The following GALNT14 variants were observed in gnomAD, a reference collection of about 807,000 sequenced individuals.
GALNT14 encodes polypeptide N-acetylgalactosaminyltransferase 14, also known as UDP-GalNAc:polypeptide N-acetylgalactosaminyltransferase 14.
GALNT14 carries 60 observed loss-of-function variants against 77.5 expected under a neutral mutation model. The observed-to-expected ratio is 0.77, with a 90% CI of 0.63 to 0.96. GALNT14 has a LOEUF of 0.96. Among genes scored for constraint, GALNT14 ranks in the 40% least tolerant of loss-of-function variants. The pLI is 0.00. For synonymous variants in GALNT14, 280 were observed against 281.7 expected, an observed-to-expected ratio of 0.99 and a Z score of 0.06; for missense variants, 710 against 731.0, an observed-to-expected ratio of 0.97 and a Z score of 0.33.
intron 1 of GALNT14, among the ~76,000 whole-genome samples, chr2:31,078,179 T>C (rs1005718268): frequency 6.6e-6 from 1 of 152,184 alleles, no homozygotes; most frequent in Admixed American, 6.5e-5. Context: ...GGACCAATTA[T>C]GTTCATTAGT....
chr2:31,074,171 CCAGGGAGACGGTGCCAAGCACA>C (rs1268472669), intron 1 of GALNT14, among the ~76,000 whole-genome samples: 1 of 152,068 alleles, frequency 6.6e-6, no homozygotes, highest in East Asian at 1.9e-4. Flanking sequence ...GGAGACGGTG[CCAGGGAGACGGTGCCAAGCACA>C]CAGCACCAAG....
chr2:31,133,144 G>T (rs919927810), intron 1 of GALNT14, among the ~76,000 whole-genome samples: 3 of 152,050 alleles, frequency 2.0e-5, no homozygotes, highest in East Asian at 1.9e-4. Flanking sequence ...AATTTTCGGG[G>T]AGACTGATTT....
At chr2:31,087,478 A>AGAGAGGAGAGGAGAGGAGAAGAGAGGAGG (rs1676493072) in intron 1 of GALNT14, among the ~76,000 whole-genome samples, 1 of 148,088 alleles carries the variant, frequency 6.8e-6, no homozygotes, top group African/African-American at 2.6e-5. Context: ...GAGACAGGAA[A>AGAGAGGAGAGGAGAGGAGAAGAGAGGAGG]GGAGAGGAGA....
chr2:30,902,513 C>A, the GALNT14 span, among the ~76,000 whole-genome samples: 1 of 152,092 alleles, frequency 6.6e-6, no homozygotes. Flanking sequence ...GCCAGGGGGA[C>A]AACTAAGCCA....
intron 13 of GALNT14, among the ~76,000 whole-genome samples, chr2:30,916,631 G>T (rs72853883): frequency 1.4e-5 from 2 of 148,142 alleles, no homozygotes; most frequent in African/African-American, 5.3e-5. Context: ...GTGGGAGCAG[G>T]GAGGGGACAG....
chr2:30,904,861 T>C, the GALNT14 span, among the ~76,000 whole-genome samples: 11 of 152,068 alleles, frequency 7.2e-5, no homozygotes, highest in African/African-American at 2.4e-4. Flanking sequence ...CAGCTGGAGA[T>C]CTGAGAACGG....
chr2:30,975,285 G>T (rs895954145), intron 2 of GALNT14, among the ~76,000 whole-genome samples: 1 of 152,226 alleles, frequency 6.6e-6, no homozygotes, highest in African/African-American at 2.4e-5. Flanking sequence ...AAATGTCGAT[G>T]ATGAAGCAAG....
intron 1 of GALNT14, among the ~76,000 whole-genome samples, chr2:31,008,812 T>A (rs1432085919): frequency 6.6e-6 from 1 of 152,214 alleles, no homozygotes; most frequent in Non-Finnish European, 1.5e-5. Context: ...TACAGTGCAG[T>A]CGACACCGCT....
chr2:30,957,228 T>G (rs1207865407), intron 4 of GALNT14, among the ~76,000 whole-genome samples: 2 of 152,194 alleles, frequency 1.3e-5, no homozygotes, highest in Non-Finnish European at 2.9e-5. Context: ...TTCAAATGTG[T>G]TAACATGTTT....
chr2:30,995,554 C>T (rs1411069136), intron 1 of GALNT14, among the ~76,000 whole-genome samples: 1 of 152,142 alleles, frequency 6.6e-6, no homozygotes, highest in East Asian at 1.9e-4. Flanking sequence ...AGTACAGTGG[C>T]TCAACCATAG....
At chr2:31,031,547 C>T (rs1672412888) in intron 1 of GALNT14, among the ~76,000 whole-genome samples, 1 of 152,176 alleles carries the variant, frequency 6.6e-6, no homozygotes, top group Non-Finnish European at 1.5e-5. Context: ...TGCACCAATG[C>T]CACTGGTACC....
chr2:30,887,956 C>G, the GALNT14 span, among the ~76,000 whole-genome samples: 18 of 152,334 alleles, frequency 1.2e-4, no homozygotes, highest in African/African-American at 4.1e-4. Context: ...GGGGTGCAAC[C>G]TGGGACCTGT....
At chr2:30,990,491 TCCTATAGACGGAAGGGC>T (rs1669631542) in intron 2 of GALNT14, among the ~76,000 whole-genome samples, 1 of 152,128 alleles carries the variant, frequency 6.6e-6, no homozygotes, top group African/African-American at 2.4e-5. Flanking sequence ...TGAGATGAGA[TCCTATAGACGGAAGGGC>T]CCAGTTGAAA....
At chr2:31,011,083 G>A (rs1670998174) in intron 1 of GALNT14, among the ~76,000 whole-genome samples, 1 of 152,208 alleles carries the variant, frequency 6.6e-6, no homozygotes, top group Admixed American at 6.5e-5. Flanking sequence ...GGAAGGGATA[G>A]GGAGGGTGGA....
chr2:30,969,815 G>A (rs932941712), intron 2 of GALNT14, among the ~76,000 whole-genome samples: 24 of 152,258 alleles, frequency 1.6e-4, no homozygotes, highest in Non-Finnish European at 8.8e-5. Flanking sequence ...TCTGTAACAC[G>A]GAATGGGCCC....
chr2:30,905,027 A>C, the GALNT14 span, among the ~76,000 whole-genome samples: 2 of 152,174 alleles, frequency 1.3e-5, no homozygotes, highest in African/African-American at 2.4e-5. Flanking sequence ...AAACTAACAA[A>C]CAGAAAGGAC....
chr2:31,092,323 T>C (rs533442854), intron 1 of GALNT14, among the ~76,000 whole-genome samples: 13 of 151,986 alleles, frequency 8.6e-5, no homozygotes, highest in Admixed American at 6.6e-4. Context: ...CCCTGACTAA[T>C]ACAGATCTCT....
At chr2:30,988,947 C>G (rs1669488790) in intron 2 of GALNT14, among the ~76,000 whole-genome samples, 1 of 152,180 alleles carries the variant, frequency 6.6e-6, no homozygotes, top group African/African-American at 2.4e-5. Context: ...GATCCGTGGA[C>G]TAGCGGCGTT....
chr2:31,100,123 TGTAA>T (rs1261809067), intron 1 of GALNT14, among the ~76,000 whole-genome samples: 2 of 152,028 alleles, frequency 1.3e-5, no homozygotes, highest in Non-Finnish European at 2.9e-5. Flanking sequence ...TTGTTGTTAT[TGTAA>T]GTGATGGCTC....
Sources: gnomAD v4.1 joint callset for allele counts (sites outside exome capture counted in the v4.1 genomes callset) on GRCh38, gnomAD v4.1.1 for gene constraint, MANE v1.5 for transcripts, NCBI Gene and HGNC (gene_info 2026-07-23, HGNC 2026-07-21) for gene names.